EPHB1: variants seen among roughly 807,000 people sequenced by gnomAD.
EPHB1 encodes the protein EPH receptor B1.
Under a neutral mutation model 94.4 loss-of-function variants are expected in EPHB1, and 30 were observed. The ratio of observed to expected loss-of-function variants is 0.32; its 90% confidence interval spans 0.24 to 0.43. The LOEUF (loss-of-function observed/expected upper bound fraction) is 0.43, where lower values mean the gene tolerates loss of function less well. Among genes scored for constraint, EPHB1 ranks in the 20% least tolerant of loss-of-function variants. EPHB1 has a pLI of 1.00. For synonymous variants in EPHB1, 522 were observed against 489.1 expected, an observed-to-expected ratio of 1.07 and a Z score of -0.89; for missense variants, 1,055 against 1,308.3, an observed-to-expected ratio of 0.81 and a Z score of 2.99.
chr3:134,903,861 G>A (rs1330015259), intron 1 of EPHB1, among the ~76,000 whole-genome samples: 1 of 152,174 alleles, frequency 6.6e-6, no homozygotes, highest in African/African-American at 2.4e-5. Context: ...GAATCCACAG[G>A]AGAGAAGTTT....
intron 3 of EPHB1, among the ~76,000 whole-genome samples, chr3:134,982,440 G>T (rs1934439310): frequency 6.6e-6 from 1 of 152,200 alleles, no homozygotes; most frequent in African/African-American, 2.4e-5. Flanking sequence ...CCAGTGAGGT[G>T]GTGTGTTCCT....
intron 15 of EPHB1, among the ~76,000 whole-genome samples, chr3:135,251,651 C>T (rs1302917833): frequency 6.6e-6 from 1 of 152,292 alleles, no homozygotes; most frequent in East Asian, 1.9e-4. Flanking sequence ...AAAATTCAAG[C>T]ATGCTTCCCT....
At chr3:135,197,885 G>T (rs1203503434) in intron 11 of EPHB1, among the ~76,000 whole-genome samples, 5 of 151,832 alleles carry the variant, frequency 3.3e-5, no homozygotes, top group Non-Finnish European at 7.4e-5. Context: ...TCTTTTTGGA[G>T]AATTATGCCA....
At chr3:134,948,941 C>A (rs1237520187) in intron 2 of EPHB1, among the ~76,000 whole-genome samples, 1 of 152,152 alleles carries the variant, frequency 6.6e-6, no homozygotes, top group African/African-American at 2.4e-5. Flanking sequence ...AAAAGCCATC[C>A]TAGGTAGAAA....
At chr3:134,821,701 T>G (rs1191579542) in intron 1 of EPHB1, among the ~76,000 whole-genome samples, 1 of 152,230 alleles carries the variant, frequency 6.6e-6, no homozygotes, top group Non-Finnish European at 1.5e-5. Flanking sequence ...GCTCTGATGT[T>G]CAAGGAGGAC....
intron 13 of EPHB1, among the ~76,000 whole-genome samples, chr3:135,247,252 TA>T (rs1943948490): frequency 6.6e-6 from 1 of 152,208 alleles, no homozygotes; most frequent in Admixed American, 6.5e-5. Flanking sequence ...AGGTCTTTTC[TA>T]TGCATGTCTA....
intron 7 of EPHB1, among the ~76,000 whole-genome samples, chr3:135,162,430 G>A (rs1941534622): frequency 6.6e-6 from 1 of 152,174 alleles, no homozygotes; most frequent in Admixed American, 6.5e-5. Context: ...TTTCAGCAGT[G>A]AGACTCATAC....
At chr3:134,993,915 A>G (rs1413327791) in intron 3 of EPHB1, among the ~76,000 whole-genome samples, 1 of 152,190 alleles carries the variant, frequency 6.6e-6, no homozygotes, top group Admixed American at 6.5e-5. Context: ...CTGGGCTGTC[A>G]TACAAGCTGT....
At chr3:134,975,723 A>G (rs1934160872) in intron 3 of EPHB1, among the ~76,000 whole-genome samples, 1 of 152,040 alleles carries the variant, frequency 6.6e-6, no homozygotes, top group African/African-American at 2.4e-5. Context: ...AGTGAAGAAC[A>G]GTGTTTTTTT....
intron 4 of EPHB1, among the ~76,000 whole-genome samples, chr3:135,129,824 G>T (rs1460189255): frequency 1.3e-5 from 2 of 152,186 alleles, no homozygotes; most frequent in Non-Finnish European, 2.9e-5. Flanking sequence ...AGAGGGAAAA[G>T]AACTTGTGAC....
At chr3:135,241,640 G>T (rs575836908) in intron 13 of EPHB1, among the ~76,000 whole-genome samples, 1 of 152,330 alleles carries the variant, frequency 6.6e-6, no homozygotes, top group East Asian at 1.9e-4. Context: ...TTCAGGTTCT[G>T]TGTTTTCCTT....
chr3:135,081,301 A>G (rs932267267), intron 3 of EPHB1, among the ~76,000 whole-genome samples: 1 of 152,216 alleles, frequency 6.6e-6, no homozygotes, highest in Non-Finnish European at 1.5e-5. Flanking sequence ...AAACCTGTGT[A>G]TTAACCATAT....
intron 12 of EPHB1, among the ~76,000 whole-genome samples, chr3:135,213,891 T>C (rs1943083913): frequency 6.6e-6 from 1 of 152,202 alleles, no homozygotes; most frequent in Non-Finnish European, 1.5e-5. Context: ...CCAGCTTTGC[T>C]CGAGCCTTCT....
chr3:135,170,112 C>T (rs1023133190), intron 9 of EPHB1, among the ~76,000 whole-genome samples: 18 of 152,196 alleles, frequency 1.2e-4, no homozygotes, highest in African/African-American at 4.3e-4. Context: ...CAGCAGCTCC[C>T]CAGCTTGTTC....
intron 3 of EPHB1, among the ~76,000 whole-genome samples, chr3:135,081,153 C>A (rs1484542608): frequency 1.3e-5 from 2 of 152,162 alleles, no homozygotes; most frequent in African/African-American, 2.4e-5. Context: ...ACCTTACCTT[C>A]TCCTCTATCA....
intron 4 of EPHB1, among the ~76,000 whole-genome samples, chr3:135,112,291 C>T (rs1939478366): frequency 6.6e-6 from 1 of 152,078 alleles, no homozygotes; most frequent in Non-Finnish European, 1.5e-5. Context: ...GCTCTTCAGG[C>T]CAATAGGGCA....
chr3:134,840,180 C>T (rs758884709), intron 1 of EPHB1, among the ~76,000 whole-genome samples: 4 of 152,224 alleles, frequency 2.6e-5, no homozygotes, highest in Non-Finnish European at 4.4e-5. Flanking sequence ...CCAGGGCTTA[C>T]TTCCTCTTTC....
chr3:135,144,643 C>T (rs1226221309), intron 5 of EPHB1, among the ~76,000 whole-genome samples: 1 of 152,158 alleles, frequency 6.6e-6, no homozygotes, highest in Non-Finnish European at 1.5e-5. Flanking sequence ...ACCCTCAACC[C>T]CCACCTGTCA....
intron 3 of EPHB1, among the ~76,000 whole-genome samples, chr3:135,010,608 G>T: frequency 7.0e-6 from 1 of 143,624 alleles, no homozygotes; most frequent in African/African-American, 2.6e-5. Context: ...TTGTTGCCCA[G>T]GCTGCAGTGC....
Sources: allele counts gnomAD v4.1 joint callset (sites outside exome capture counted in the v4.1 genomes callset), GRCh38; gene constraint gnomAD v4.1.1; transcripts MANE v1.5; gene names NCBI Gene and HGNC (gene_info 2026-07-23, HGNC 2026-07-21).